INSR: variants seen among roughly 807,000 people sequenced by gnomAD.
INSR encodes the protein insulin receptor.
Under a neutral mutation model 142.6 loss-of-function variants are expected in INSR, and 67 were observed. That is an observed-to-expected ratio of 0.47 (90% CI 0.39 to 0.58). INSR has a LOEUF of 0.58. Among genes scored for constraint, INSR ranks in the 20% least tolerant of loss-of-function variants. INSR has a pLI of 0.00. For missense variants in INSR, 1,248 were observed against 1,833.2 expected, an observed-to-expected ratio of 0.68 and a Z score of 5.83; for synonymous variants, 756 against 743.1, an observed-to-expected ratio of 1.02 and a Z score of -0.28.
chr19:7,177,713 T>TTA (rs1191813175), intron 3 of INSR, among the ~76,000 whole-genome samples: 1 of 147,664 alleles, frequency 6.8e-6, no homozygotes, highest in Non-Finnish European at 1.5e-5. Context: ...TTTTTTTTTT[T>TTA]TTTTTTTTTT....
chr19:7,287,816 G>A (rs548189641), intron 1 of INSR, among the ~76,000 whole-genome samples: 6 of 152,332 alleles, frequency 3.9e-5, no homozygotes, highest in South Asian at 4.1e-4. Context: ...ACCTCAAGGC[G>A]TCTGTTCCAG....
chr19:7,184,713 T>C, intron 2 of INSR, 76 bp from the exon 3 acceptor site: 1 of 1,095,270 alleles, frequency 9.1e-7, no homozygotes, highest in Non-Finnish European at 1.2e-6. Context: ...TAAATGGCTT[T>C]GTCCAATTCC....
At chr19:7,190,669 C>T in intron 2 of INSR, among the ~76,000 whole-genome samples, 1 of 152,176 alleles carries the variant, frequency 6.6e-6, no homozygotes, top group East Asian at 1.9e-4. Flanking sequence ...CGCGCCCAAC[C>T]AATTCTTTGA....
chr19:7,196,612 T>A (rs948050589), intron 2 of INSR, among the ~76,000 whole-genome samples: 2 of 151,988 alleles, frequency 1.3e-5, no homozygotes, highest in Non-Finnish European at 1.5e-5. Context: ...TTTTTCTTAA[T>A]TAAGAAGGTA....
At chr19:7,117,760 C>A (rs1345278426) in intron 21 of INSR, among the ~76,000 whole-genome samples, 1 of 152,004 alleles carries the variant, frequency 6.6e-6, no homozygotes, top group Admixed American at 6.6e-5. Flanking sequence ...GTGTGCACCA[C>A]CATGCCTAGC....
In INSR at chr19:7,163,948, A is replaced by AAAT. The variant is rs1411048837; in HGVS notation, c.1862-750_1862-749insATT. On this transcript the variant is annotated intron_variant, in intron 8 of 21. Coordinates refer to ENST00000302850, the MANE Select transcript of INSR (RefSeq NM_000208.4). ...ACTAAAAAAAAAAAAAAAAAAAAAA[A>AAAT]ATTAGCTGGACATGGTGGTGGGCGC... Among the ~76,000 whole-genome samples the AAAT allele has an allele frequency of 7.1e-4, 97 of 136,012 alleles. 1 individual carries two copies. Among genetic ancestry groups the AAAT allele is most frequent in the African/African-American group, 2.9e-3 (92 of 31,682 alleles). The allele number at this position is 136,012 out of a possible 152,430, so 89.2% of individuals were successfully genotyped here. A position where few individuals can be genotyped will look rare whatever the true frequency, so the allele number is the denominator to read the frequency against.
chr19:7,165,646 T>C lies in INSR; in HGVS notation c.1861+508A>G, dbSNP rs1973871588. 2.0e-5 allele frequency among the ~76,000 whole-genome samples: 3 copies of C among 151,922 alleles called. No homozygotes were observed. In the South Asian group the frequency reaches 6.2e-4, roughly 32 times the overall value. The stretch of plus-strand genomic sequence containing the variant: ...GGGAGGCCGAGGCAGGAGGATCACT[T>C]GAGGCCAGGGGTTCAAGACCAGCCT... On this transcript the variant is annotated intron_variant, in intron 8 of 21. Coordinates refer to ENST00000302850, the MANE Select transcript of INSR (RefSeq NM_000208.4).
chr19:7,170,836 T>G, intron 5 of INSR, 85 bp from the exon 6 acceptor site: 1 of 1,043,518 alleles, frequency 9.6e-7, no homozygotes, highest in Admixed American at 1.7e-5. Context: ...GGAGTTGATC[T>G]TGTTCAGTGC....
At chr19:7,175,833 C>CAAAAAAAAA (rs113649135) in intron 3 of INSR, among the ~76,000 whole-genome samples, 1 of 141,534 alleles carries the variant, frequency 7.1e-6, no homozygotes. Flanking sequence ...GACTCCATCT[C>CAAAAAAAAA]AAAAAAAAAA....
At chr19:7,208,302 T>TC (rs1427529372) in intron 2 of INSR, among the ~76,000 whole-genome samples, 2 of 150,938 alleles carry the variant, frequency 1.3e-5, no homozygotes, top group African/African-American at 2.4e-5. Flanking sequence ...CACATAGAAA[T>TC]CCCCCCCTTG....
intron 1 of INSR, among the ~76,000 whole-genome samples, chr19:7,285,991 T>C (rs772433252): frequency 3.9e-5 from 6 of 152,182 alleles, no homozygotes; most frequent in Non-Finnish European, 8.8e-5. Context: ...TATTTTGTTG[T>C]TGTTGTTGTT....
chr19:7,293,741 T>C, intron 1 of INSR, 51 bp downstream of exon 1: 1 of 1,283,044 alleles, frequency 7.8e-7, no homozygotes, highest in Admixed American at 3.6e-5. Flanking sequence ...TTGGGTGGGG[T>C]CCTCTCCCCA....
Position 7,204,444 on chromosome 19 carries a change from G to C in INSR, c.653-19807C>G, listed in dbSNP as rs568015076. Among the ~76,000 whole-genome samples, 30 of 152,118 alleles carry C rather than the reference G, an allele frequency of 2.0e-4. No individual in the cohort carries two copies. The South Asian group carries it at 6.0e-3, about 31-fold the overall frequency. ...AGGAGCCTCATGGCCTCGTTTTCCC[G>C]GGGGGCCACTCCCCGTGTATATACC... On this transcript the variant is annotated intron_variant, in intron 2 of 21. Transcript: ENST00000302850.
At position 7,182,692 on chromosome 19, in the gene INSR, C is replaced by T. The variant is rs542350121; in HGVS notation, c.974+1624G>A. 3.7e-4 allele frequency among the ~76,000 whole-genome samples: 56 copies of T among 152,086 alleles called. 1 individual carries two copies. Among genetic ancestry groups the T allele is most frequent in the African/African-American group, 1.3e-3 (55 of 41,498 alleles). ...TCAGGGTTTCTGTTTTAGCATCTCC[C>T]GCATCATCAGTGAGAAAATCAAAGG... On this transcript the variant is annotated intron_variant, in intron 3 of 21. Coordinates refer to ENST00000302850, the MANE Select transcript of INSR (RefSeq NM_000208.4).
In INSR at chr19:7,283,184, C is replaced by T. The variant is rs574830054; in HGVS notation, c.100+10608G>A. 5.3e-5 allele frequency among the ~76,000 whole-genome samples: 8 copies of T among 152,096 alleles called. No individual in the cohort carries two copies. The South Asian group carries it at 1.7e-3, about 32-fold the overall frequency. On this transcript the variant is annotated intron_variant, in intron 1 of 21. Coordinates refer to ENST00000302850, the MANE Select transcript of INSR (RefSeq NM_000208.4). ...CTCCAGCCTGAGCAACAGTGCAAGA[C>T]CCTTTCTCAAAAAAATGTAAATGAA... is the stretch of plus-strand genomic sequence containing the variant.
chr19:7,136,107 T>C (rs1421024562), intron 13 of INSR, among the ~76,000 whole-genome samples: 2 of 152,122 alleles, frequency 1.3e-5, no homozygotes, highest in East Asian at 1.9e-4. Context: ...CGTCTGTTTG[T>C]TTTTTGCCAC....
intron 11 of INSR, among the ~76,000 whole-genome samples, chr19:7,143,375 C>T (rs1178146633): frequency 6.6e-6 from 1 of 152,120 alleles, no homozygotes; most frequent in Non-Finnish European, 1.5e-5. Context: ...CCTCGACATG[C>T]TCGATTTCAG....
chr19:7,197,758 AGTGTGTGTGT>A (rs57922087), intron 2 of INSR, among the ~76,000 whole-genome samples: 1 of 57,796 alleles, frequency 1.7e-5, no homozygotes, highest in African/African-American at 7.5e-5. Flanking sequence ...CCAGAGTGGG[AGTGTGTGTGT>A]GTGTGTGTGT....
At chr19:7,172,187 C>T (rs1974030072) in intron 5 of INSR, 103 bp downstream of exon 5, 2 of 1,251,166 alleles carry the variant, frequency 1.6e-6, no homozygotes, top group South Asian at 1.2e-5. Context: ...GCTGGGATTA[C>T]AGGCATCAGC....
Sources: allele counts gnomAD v4.1 joint callset (sites outside exome capture counted in the v4.1 genomes callset), GRCh38; gene constraint gnomAD v4.1.1; transcripts MANE v1.5; gene names NCBI Gene and HGNC (gene_info 2026-07-23, HGNC 2026-07-21).